The following CD53 variants were observed in gnomAD, a reference collection of about 807,000 sequenced individuals.
CD53 encodes the protein CD53 molecule.
In CD53, 20 loss-of-function variants were observed where a neutral mutation model predicts 27.3. The ratio of observed to expected loss-of-function variants is 0.73; its 90% CI spans 0.52 to 1.07. CD53 has a LOEUF of 1.07. CD53 is among the 50% of genes least tolerant of loss of function. The pLI is 0.00. For synonymous variants in CD53, 106 were observed against 105.3 expected (o/e 1.01, Z -0.04); for missense variants, 216 against 264.0 (o/e 0.82, Z 1.26).
chr1:110,891,472 G>A lies in CD53; in HGVS notation c.63+1G>A. 1 of 1,611,708 alleles carries A rather than the reference G, an allele frequency of 6.2e-7. No individual in the cohort carries two copies. Among genetic ancestry groups the A allele is most frequent in the African/African-American group, 1.3e-5 (1 of 74,972 alleles). ...GTTTTTCTTCAACTTGCTCTTTTGG[G>A]TAAGTGTATCTCTTCTGAGCACGGT... On this transcript the variant is annotated splice_donor_variant, in intron 2 of 7. Coordinates refer to ENST00000271324, the MANE Select transcript of CD53 (RefSeq NM_000560.4). LOFTEE classifies it high-confidence loss of function.
intron 1 of CD53, among the ~76,000 whole-genome samples, chr1:110,886,869 A>ATATATATATATATTTT (rs1298376721): frequency 3.0e-4 from 25 of 82,772 alleles, no homozygotes; most frequent in East Asian, 1.3e-3. Context: ...ATATATATAT[A>ATATATATATATATTTT]TTTTTTTTTT....
At chr1:110,895,114 C>A in intron 5 of CD53, 59 bp downstream of exon 5, 1 of 1,246,450 alleles carries the variant, frequency 8.0e-7, no homozygotes, top group Non-Finnish European at 1.2e-6. Context: ...AGCCTAAATC[C>A]TTGGGGGCTA....
chr1:110,898,445 T>C (rs1238983188), intron 7 of CD53, among the ~76,000 whole-genome samples: 1 of 150,282 alleles, frequency 6.7e-6, no homozygotes, highest in African/African-American at 2.4e-5. Context: ...GTGATTCACA[T>C]GATTCACAGT....
At chr1:110,894,216 G>C in intron 3 of CD53, 111 bp from the exon 4 acceptor site, 1 of 867,318 alleles carries the variant, frequency 1.2e-6, no homozygotes, top group Non-Finnish European at 1.9e-6. Flanking sequence ...TGAGGAGGCA[G>C]AACAGGAACA....
intron 4 of CD53, 139 bp from the exon 5 acceptor site, chr1:110,894,821 C>A: frequency 6.0e-6 from 4 of 669,872 alleles, no homozygotes; most frequent in Non-Finnish European, 8.2e-6. Flanking sequence ...AGATAAACAC[C>A]CTCCCCTCAC....
At chr1:110,897,060 T>C (rs2101067942) in intron 6 of CD53, among the ~76,000 whole-genome samples, 1 of 152,320 alleles carries the variant, frequency 6.6e-6, no homozygotes, top group South Asian at 2.1e-4. Flanking sequence ...TAAAGTGAAA[T>C]GTATAGGGTT....
chr1:110,881,814 T>G (rs577504884), intron 1 of CD53, among the ~76,000 whole-genome samples: 128 of 152,210 alleles, frequency 8.4e-4, no homozygotes, highest in Non-Finnish European at 1.6e-3. Context: ...CTAGGAGATG[T>G]GGAGTGGTAT....
intron 1 of CD53, among the ~76,000 whole-genome samples, chr1:110,880,860 T>G: frequency 6.6e-6 from 1 of 152,074 alleles, no homozygotes; most frequent in East Asian, 1.9e-4. Flanking sequence ...TTAGGGCAAG[T>G]GAGGGTTGGG....
chr1:110,878,151 C>T (rs540434709), intron 1 of CD53, among the ~76,000 whole-genome samples: 16 of 152,042 alleles, frequency 1.1e-4, no homozygotes, highest in African/African-American at 3.6e-4. Flanking sequence ...GTTGTCAGGC[C>T]GATTTGAGGA....
chr1:110,882,352 A>G (rs1396941523), intron 1 of CD53, among the ~76,000 whole-genome samples: 1 of 152,090 alleles, frequency 6.6e-6, no homozygotes, highest in Non-Finnish European at 1.5e-5. Flanking sequence ...AGTATTCTTC[A>G]TTCTGTAATA....
chr1:110,886,713 G>A (rs1656617220), intron 1 of CD53, among the ~76,000 whole-genome samples: 1 of 151,606 alleles, frequency 6.6e-6, no homozygotes, highest in African/African-American at 2.4e-5. Flanking sequence ...GTTGGGCATG[G>A]TGGCACGTGC....
At chr1:110,871,322 T>C (rs1273977398), upstream of CD53, among the ~76,000 whole-genome samples, 1 of 152,128 alleles carries the variant, frequency 6.6e-6, no homozygotes, top group Non-Finnish European at 1.5e-5. Context: ...GTTTGAGAAA[T>C]ATTTAGGCAA....
At chr1:110,873,449 A>C (rs138436326) in intron 1 of CD53, among the ~76,000 whole-genome samples, 1 of 152,338 alleles carries the variant, frequency 6.6e-6, no homozygotes, top group African/African-American at 2.4e-5. Context: ...ACTTTTACTT[A>C]ATCAGGTTCC....
intron 6 of CD53, 38 bp downstream of exon 6, chr1:110,896,771 T>G (rs1448819296): frequency 6.5e-7 from 1 of 1,535,454 alleles, no homozygotes; most frequent in African/African-American, 1.4e-5. Context: ...TTGACCTCTT[T>G]GTTTAAATGT....
At chr1:110,892,195 C>A in intron 2 of CD53, 150 bp from the exon 3 acceptor site, 2 of 685,288 alleles carry the variant, frequency 2.9e-6, no homozygotes, top group South Asian at 1.7e-5. Context: ...CCAATGTAAG[C>A]ATGGAAAAGT....
chr1:110,883,444 G>A (rs1240290403), intron 1 of CD53, among the ~76,000 whole-genome samples: 1 of 151,894 alleles, frequency 6.6e-6, no homozygotes, highest in Non-Finnish European at 1.5e-5. Flanking sequence ...ATCGTTAGAT[G>A]CTTTTTACTA....
At chr1:110,898,487 T>G (rs2101070299) in intron 7 of CD53, among the ~76,000 whole-genome samples, 1 of 152,010 alleles carries the variant, frequency 6.6e-6, no homozygotes, top group African/African-American at 2.4e-5. Context: ...AGAATCCCAC[T>G]GTGATCCCTC....
At chr1:110,895,152 T>A in intron 5 of CD53, 97 bp downstream of exon 5, 1 of 871,166 alleles carries the variant, frequency 1.1e-6, no homozygotes, top group Non-Finnish European at 1.9e-6. Flanking sequence ...TTTCAGAATC[T>A]AAGGTCCACA....
At chr1:110,879,881 T>G (rs1656286287) in intron 1 of CD53, among the ~76,000 whole-genome samples, 1 of 152,194 alleles carries the variant, frequency 6.6e-6, no homozygotes, top group Admixed American at 6.5e-5. Flanking sequence ...TCGAGGTTCT[T>G]GAAGCCTCTA....
Sources: gnomAD v4.1 joint callset for allele counts (sites outside exome capture counted in the v4.1 genomes callset) on GRCh38, gnomAD v4.1.1 for gene constraint, MANE v1.5 for transcripts, NCBI Gene and HGNC (gene_info 2026-07-23, HGNC 2026-07-21) for gene names.